Variants in GSK3B observed in about 807,000 individuals in gnomAD.
GSK3B encodes the protein glycogen synthase kinase-3 beta.
A neutral mutation model predicts 56.4 loss-of-function variants in GSK3B; 15 were observed. That is an observed-to-expected ratio of 0.27 (90% CI 0.18 to 0.41). GSK3B has a LOEUF of 0.41. GSK3B is among the 10% of genes least tolerant of loss of function. The pLI is 1.00. For synonymous variants in GSK3B, 181 were observed against 188.9 expected (o/e 0.96, Z 0.34); for missense variants, 300 against 513.4 (o/e 0.58, Z 4.02).
At chr3:119,902,576 T>A (rs1397414354) in intron 7 of GSK3B, among the ~76,000 whole-genome samples, 1 of 152,108 alleles carries the variant, frequency 6.6e-6, no homozygotes, top group Non-Finnish European at 1.5e-5. Flanking sequence ...TTTATATTTT[T>A]AGTAGAGACA....
At chr3:119,919,750 A>G (rs1322058211) in intron 4 of GSK3B, among the ~76,000 whole-genome samples, 1 of 152,204 alleles carries the variant, frequency 6.6e-6, no homozygotes, top group East Asian at 1.9e-4. Context: ...ACCACAACAA[A>G]AAACAAGAGG....
chr3:119,907,020 A>C (rs2056689192), intron 6 of GSK3B, among the ~76,000 whole-genome samples: 1 of 152,134 alleles, frequency 6.6e-6, no homozygotes, highest in African/African-American at 2.4e-5. Context: ...CAAGAGTCCT[A>C]TTTAATATAT....
intron 2 of GSK3B, among the ~76,000 whole-genome samples, chr3:119,981,817 C>G (rs1336005055): frequency 6.6e-6 from 1 of 152,256 alleles, no homozygotes; most frequent in African/African-American, 2.4e-5. Context: ...ACGTCCCTAT[C>G]TGACAGCTCT....
chr3:120,010,563 C>T (rs1365110929), intron 1 of GSK3B, among the ~76,000 whole-genome samples: 1 of 152,158 alleles, frequency 6.6e-6, no homozygotes, highest in African/African-American at 2.4e-5. Context: ...AAAAAGATTT[C>T]GAGGACTCTG....
chr3:120,085,301 A>T (rs886674019), intron 1 of GSK3B, among the ~76,000 whole-genome samples: 7 of 152,168 alleles, frequency 4.6e-5, no homozygotes, highest in African/African-American at 1.7e-4. Context: ...CTACCAACTC[A>T]AAGCTTCCCC....
chr3:120,049,835 G>C (rs906485635), intron 1 of GSK3B, among the ~76,000 whole-genome samples: 1 of 151,986 alleles, frequency 6.6e-6, no homozygotes, highest in African/African-American at 2.4e-5. Flanking sequence ...ATACAGTCTC[G>C]GTCACAACTA....
At position 119,892,138 on chromosome 3, in the gene GSK3B, C is replaced by T. The variant is rs1274335023; in HGVS notation, c.813+13617G>A. ...TAGTTCAACACCAGAGGTCGCCAAA[C>T]TTCAGCAATAGAGGTGCATGTGTAG... On this transcript the variant is annotated intron_variant, in intron 7 of 10. Transcript: ENST00000264235. Among the ~76,000 whole-genome samples the T allele has an allele frequency of 2.6e-5, 4 of 152,168 alleles. No individual in the cohort carries two copies. In the East Asian group the frequency reaches 7.7e-4, roughly 29 times the overall value.
intron 7 of GSK3B, among the ~76,000 whole-genome samples, chr3:119,878,475 T>G (rs936488980): frequency 6.6e-6 from 1 of 152,120 alleles, no homozygotes; most frequent in African/African-American, 2.4e-5. Context: ...TTGGCAAGGA[T>G]GTACAGCAAC....
At chr3:120,086,699 G>C (rs949457236) in intron 1 of GSK3B, among the ~76,000 whole-genome samples, 4 of 151,906 alleles carry the variant, frequency 2.6e-5, no homozygotes, top group Non-Finnish European at 5.9e-5. Flanking sequence ...AGAGGTTGAG[G>C]TTAAAAGATC....
At chr3:119,909,010 T>C (rs1159018396) in intron 6 of GSK3B, among the ~76,000 whole-genome samples, 1 of 152,200 alleles carries the variant, frequency 6.6e-6, no homozygotes, top group African/African-American at 2.4e-5. Flanking sequence ...GTCTGTTCTA[T>C]TTTTTGTTGT....
At chr3:119,951,366 G>A (rs2057154870) in intron 2 of GSK3B, among the ~76,000 whole-genome samples, 1 of 152,348 alleles carries the variant, frequency 6.6e-6, no homozygotes, top group African/African-American at 2.4e-5. Flanking sequence ...GAGGACAGGA[G>A]TTCAAGACCA....
intron 1 of GSK3B, among the ~76,000 whole-genome samples, chr3:120,025,721 A>C (rs1227219521): frequency 6.6e-6 from 1 of 152,200 alleles, no homozygotes; most frequent in East Asian, 1.9e-4. Flanking sequence ...CAGGCATCCA[A>C]ACAGAAAAAA....
At chr3:120,017,354 T>C (rs1173824775) in intron 1 of GSK3B, among the ~76,000 whole-genome samples, 1 of 152,216 alleles carries the variant, frequency 6.6e-6, no homozygotes, top group Non-Finnish European at 1.5e-5. Flanking sequence ...TTTACTGTAA[T>C]CTTTAGTGAC....
At chr3:120,059,601 T>C (rs1482112916) in intron 1 of GSK3B, among the ~76,000 whole-genome samples, 1 of 152,138 alleles carries the variant, frequency 6.6e-6, no homozygotes, top group Non-Finnish European at 1.5e-5. Flanking sequence ...TCCCTGGAGG[T>C]GAATCTTAGT....
intron 8 of GSK3B, among the ~76,000 whole-genome samples, chr3:119,864,739 A>AGT (rs1559813930): frequency 3.3e-5 from 5 of 152,266 alleles, no homozygotes; most frequent in Non-Finnish European, 7.3e-5. Flanking sequence ...TAGTAGAACT[A>AGT]GTTACAACTA....
intron 1 of GSK3B, among the ~76,000 whole-genome samples, chr3:120,053,962 A>G (rs1197016770): frequency 6.6e-6 from 1 of 152,188 alleles, no homozygotes. Context: ...CTTTATCAGC[A>G]GCATGAAAAT....
intron 9 of GSK3B, among the ~76,000 whole-genome samples, chr3:119,854,731 T>C (rs531850194): frequency 1.5e-3 from 223 of 152,374 alleles, no homozygotes; most frequent in African/African-American, 5.2e-3. Flanking sequence ...TATTCTCTGA[T>C]GGCAGTTTGT....
chr3:119,971,377 A>G (rs2057364714), intron 2 of GSK3B, among the ~76,000 whole-genome samples: 1 of 152,184 alleles, frequency 6.6e-6, no homozygotes, highest in African/African-American at 2.4e-5. Flanking sequence ...CTACAGGTAC[A>G]GTTTCATTTA....
chr3:119,880,605 C>A (rs890934172), intron 7 of GSK3B, among the ~76,000 whole-genome samples: 1 of 151,980 alleles, frequency 6.6e-6, no homozygotes, highest in Non-Finnish European at 1.5e-5. Context: ...TGATATAAAT[C>A]AAAAAGGAAT....
Sources: gnomAD v4.1 joint callset for allele counts (sites outside exome capture counted in the v4.1 genomes callset) on GRCh38, gnomAD v4.1.1 for gene constraint, MANE v1.5 for transcripts, NCBI Gene and HGNC (gene_info 2026-07-23, HGNC 2026-07-21) for gene names.